HECTD3: variants seen among roughly 807,000 people sequenced by gnomAD.
HECTD3 encodes the protein E3 ubiquitin-protein ligase HECTD3.
In HECTD3, 72 loss-of-function variants were observed where a neutral mutation model predicts 109.3. That is an observed-to-expected ratio of 0.66 (90% CI 0.54 to 0.80). The LOEUF (loss-of-function observed/expected upper bound fraction) is 0.80, where lower values mean the gene tolerates loss of function less well. Ranked by LOEUF, HECTD3 falls within the 30% of genes least tolerant of loss-of-function variation. The pLI, the probability that HECTD3 is intolerant of heterozygous loss-of-function variation, is 0.00. For synonymous variants in HECTD3, 481 were observed against 471.8 expected, an observed-to-expected ratio of 1.02 and a Z score of -0.25; for missense variants, 1,041 against 1,165.2, an observed-to-expected ratio of 0.89 and a Z score of 1.55.
Position 45,010,270 on chromosome 1 carries a change from G to A in HECTD3, c.554C>T (p.Thr185Ile), listed in dbSNP as rs370316862. The change falls in exon 3 of 21, where the codon ACA becomes ATA. Residue 185 changes from threonine to isoleucine, a missense_variant. Physicochemically the swap from Thr to Ile is moderately conservative, Grantham distance 89. Coordinates refer to ENST00000372172, the MANE Select transcript of HECTD3 (RefSeq NM_024602.6). ...TCTCGATCCCAGGCGATGTGAGTAT[G>A]TCAGGTCCACCACCTGTTCCCACCT... ...VLRWEQVVDL[T>I]YSHRLGSRPQ... is the part of the protein sequence containing the mutation. 8 of 1,613,912 alleles carry A rather than the reference G, an allele frequency of 5.0e-6. No individual in the cohort carries two copies. In the African/African-American group the frequency reaches 9.3e-5, roughly 19 times the overall value.
chr1:45,005,785 C>T lies in HECTD3; in HGVS notation c.1935+9G>A. 1 of 1,576,900 alleles carries T rather than the reference C, an allele frequency of 6.3e-7. No individual in the cohort carries two copies. Among genetic ancestry groups the T allele is most frequent in the Non-Finnish European group, 8.6e-7 (1 of 1,163,720 alleles). ...GGCAGAGGAAACACTGGTTCCAGGT[C>T]CTACTCACCAGCACAGAGTCCACAG... On this transcript the variant is annotated intron_variant, in intron 15 of 20. Transcript: ENST00000372172.
In HECTD3 at chr1:45,007,586, G is replaced by T; in HGVS notation, c.1330C>A (p.Gln444Lys). 6.2e-7 allele frequency: 1 copy of T among 1,609,256 alleles called. No individual in the cohort carries two copies. ...CGCTGGCGGGACAGCAGTAGGAACT[G>T]CTTCACTTGCTAGTGAGGAGAGGTG... The part of the protein sequence containing the change: ...GTFSEIKQVK[Q>K]FLLLSRQRPG... Residue 444 changes from glutamine (Q) to lysine (K), a missense_variant, in exon 10 of 21, where the codon CAG (glutamine) becomes AAG (lysine). By Grantham distance (53) the Gln-to-Lys change is moderately conservative. Coordinates refer to ENST00000372172, the MANE Select transcript of HECTD3 (RefSeq NM_024602.6).
At position 45,010,872 on chromosome 1, in the gene HECTD3, G is replaced by C. The variant is rs554748346; in HGVS notation, c.369+17C>G. Reference sequence around the variant, plus strand: ...CCCAGGGGTCTTTTACCGGGTCCTGGGCAGGGAAGAGCGCACCTTTGTCAG... The same window carrying C: ...CCCAGGGGTCTTTTACCGGGTCCTGCGCAGGGAAGAGCGCACCTTTGTCAG... On this transcript the variant is annotated intron_variant, in intron 1 of 20. Transcript: ENST00000372172. 5 of 1,513,108 alleles carry C rather than the reference G, an allele frequency of 3.3e-6. No homozygotes were observed. The highest frequency in any genetic ancestry group is 3.5e-6 in the Non-Finnish European group (4 of 1,141,364). The allele number at this position is 1,513,108 out of a possible 1,614,324, so 93.7% of individuals were successfully genotyped here.
In HECTD3 at chr1:45,006,581, C is replaced by T. The variant is rs748008446; in HGVS notation, c.1725+111G>A. On this transcript the variant is annotated intron_variant, in intron 13 of 20. Coordinates refer to ENST00000372172, the MANE Select transcript of HECTD3 (RefSeq NM_024602.6). This position sits in a 1 kb window ranked among gnomAD's most constrained non-coding sequence, Gnocchi z 4.7. ...CTTCCCAAAGTGCTGGGATTACAGG[C>T]GTGAGCCACTGTGCCTGCCCCCTTT... 12 of 867,926 alleles carry T rather than the reference C, an allele frequency of 1.4e-5. No homozygotes were observed. Among genetic ancestry groups the T allele is most frequent in the East Asian group, 5.2e-5 (2 of 38,196 alleles). The allele number at this position is 867,926 out of a possible 1,614,324, so 53.8% of individuals were successfully genotyped here.
In HECTD3 at chr1:45,004,135, C is replaced by T. The variant is rs1417759835; in HGVS notation, c.2273-1G>A. 6.2e-7 allele frequency: 1 copy of T among 1,614,050 alleles called. No individual in the cohort carries two copies. The highest frequency in any genetic ancestry group is 8.5e-7 in the Non-Finnish European group (1 of 1,180,054). ...GATGGCTCGAAGTCCTCAAACCGGG[C>T]TGGTGGAGACAAGGCCAGCATTCAT... On this transcript the variant is annotated splice_acceptor_variant, in intron 17 of 20. Transcript: ENST00000372172. LOFTEE classifies it high-confidence loss of function.
Position 45,007,248 on chromosome 1 carries a change from A to G in HECTD3, c.1527T>C (p.Ser509=), listed in dbSNP as rs1644744390. 6.2e-7 allele frequency: 1 copy of G among 1,613,590 alleles called. No individual in the cohort carries two copies. Among genetic ancestry groups the G allele is most frequent in the Non-Finnish European group, 8.5e-7 (1 of 1,179,728 alleles). Residue 509 remains serine (S), a synonymous_variant, in exon 11 of 21, where the codon TCT becomes TCC. Transcript: ENST00000372172. ...FTQVYEGLKP[S]DKYEKPLDYR... ...AGTCCAGGGGCTTTTCATATTTGTC[A>G]GAGGGCTTGAGGCCTTCATATACCT...
Position 45,004,606 on chromosome 1 carries a change from C to T in HECTD3, c.2136G>A (p.Lys712=). 2 of 1,614,126 alleles carry T rather than the reference C, an allele frequency of 1.2e-6. No individual in the cohort carries two copies. The highest frequency in any genetic ancestry group is 1.7e-6 in the Non-Finnish European group (2 of 1,180,026). Residue 712 remains lysine, a synonymous_variant, in exon 16 of 21, where the codon AAG becomes AAA. Transcript: ENST00000372172. ...LVQKARLEES[K]EQVAAMQAGL... ...ACTAGCCTCTGGGTACTACCTGCTC[C>T]TTGCTCTCCTCTAGCCGTGCCTTCT...
Position 45,011,206 on chromosome 1 carries a change from C to T in HECTD3, c.52G>A (p.Gly18Ser), listed in dbSNP as rs770254053. The T allele has an allele frequency of 6.9e-7, 1 of 1,439,236 alleles. No individual in the cohort carries two copies. The highest frequency in any genetic ancestry group is 9.1e-7 in the Non-Finnish European group (1 of 1,104,476). 89.2% of individuals were successfully genotyped at this position (1,439,236 alleles called of 1,614,324 possible). A position where few individuals can be genotyped will look rare whatever the true frequency, so the allele number is the denominator to read the frequency against. ...AVLESPRQLL[G>S]RVRFLAEAAR... ...GCCTCTGCCAAGAAGCGCACGCGGCCCAGCAGCTGCCGGGGGGACTCCAGC... is the reference window on the plus strand; with the variant it reads ...GCCTCTGCCAAGAAGCGCACGCGGCTCAGCAGCTGCCGGGGGGACTCCAGC... Residue 18 changes from glycine to serine, a missense_variant, in exon 1 of 21, where the codon GGC (glycine) becomes AGC (serine). Gly to Ser is a moderately conservative substitution (Grantham distance 56, BLOSUM62 0). This residue lies in a region of HECTD3 where 472 missense variants were observed against 449.9 expected (regional missense o/e 1.05). Coordinates refer to ENST00000372172, the MANE Select transcript of HECTD3 (RefSeq NM_024602.6).
chr1:45,003,361 C>A lies in HECTD3; in HGVS notation c.*131G>T. ...ATGCCAGCTGCCCCTACCCCAACTG[C>A]ACACAGGAGCAGGGCACATGGGGTT... On this transcript the variant is annotated 3_prime_UTR_variant, in exon 21 of 21. Coordinates refer to ENST00000372172, the MANE Select transcript of HECTD3 (RefSeq NM_024602.6). This position sits in a 1 kb window ranked among gnomAD's most constrained non-coding sequence, Gnocchi z 4.7. 1 of 762,106 alleles carries A rather than the reference C, an allele frequency of 1.3e-6. No homozygotes were observed. Among genetic ancestry groups the A allele is most frequent in the Non-Finnish European group, 2.2e-6 (1 of 451,824 alleles). 47.2% of individuals were successfully genotyped at this position (762,106 alleles called of 1,614,324 possible).
chr1:45,009,308 C>A, intron 6 of HECTD3, 61 bp downstream of exon 6: 1 of 1,556,462 alleles, frequency 6.4e-7, no homozygotes, highest in Non-Finnish European at 8.9e-7. Flanking sequence ...CAAACTTAGG[C>A]TTTCAAGCTG....
chr1:45,004,858 C>A, intron 15 of HECTD3, 52 bp from the exon 16 acceptor site: 1 of 1,507,560 alleles, frequency 6.6e-7, no homozygotes, highest in Non-Finnish European at 9.2e-7. Context: ...GGAGATAGTC[C>A]CTGTCTTTCC....
intron 5 of HECTD3, 41 bp downstream of exon 5, chr1:45,009,527 G>A (rs1313823025): frequency 6.9e-6 from 11 of 1,605,832 alleles, no homozygotes; most frequent in Non-Finnish European, 9.4e-6. Context: ...AACCCACAGG[G>A]ACATAGCCCA....
chr1:45,005,325 T>G (rs1644725999), intron 15 of HECTD3: 3 of 205,664 alleles, frequency 1.5e-5, no homozygotes, highest in Non-Finnish European at 2.0e-5. Context: ...AGTGATTAGC[T>G]AAGGAGGAAA....
chr1:45,005,838 C>T lies in HECTD3; in HGVS notation c.1891G>A (p.Glu631Lys), dbSNP rs757806432. The T allele has an allele frequency of 2.5e-6, 4 of 1,609,114 alleles. No individual in the cohort carries two copies. Among genetic ancestry groups the T allele is most frequent in the South Asian group, 1.1e-5 (1 of 90,190 alleles). The change falls in exon 15 of 21, where the codon GAG becomes AAG. Residue 631 changes from glutamate (E) to lysine (K), a missense_variant. By Grantham distance (56) the Glu-to-Lys change is moderately conservative (BLOSUM62 1). This residue lies in a region of HECTD3 where 569 missense variants were observed against 715.3 expected (regional missense o/e 0.80). Transcript: ENST00000372172. ...GFVWKQLSGE[E>K]VSWSKDFPAV... ...GGGAAGTCCTTGCTCCAGCTCACCT[C>T]CTCACCAGAAAGCTGCTTCCACACA...
At position 45,003,696 on chromosome 1, in the gene HECTD3, C is replaced by G; in HGVS notation, c.2474G>C (p.Ser825Thr). The change falls in exon 20 of 21, where the codon AGC (serine) becomes ACC (threonine). Residue 825 changes from serine to threonine, a missense_variant. Ser to Thr is a moderately conservative substitution (Grantham distance 58). Transcript: ENST00000372172. This position sits in a 1 kb window ranked among gnomAD's most constrained non-coding sequence, Gnocchi z 4.7. Reference protein sequence around the residue: ...DALPESSTCSSTLFLPHYASA... With the variant: ...DALPESSTCSTTLFLPHYASA... ...GGCATAGTGTGGCAGGAAGAGGGTG[C>G]TGGAGCAAGTGGAAGACTCGGGCAG... 6.2e-7 allele frequency: 1 copy of G among 1,614,064 alleles called. No individual in the cohort carries two copies. Among genetic ancestry groups the G allele is most frequent in the South Asian group, 1.1e-5 (1 of 91,084 alleles).
chr1:45,003,268 G>A lies in HECTD3; in HGVS notation c.*224C>T, dbSNP rs575244469. On this transcript the variant is annotated 3_prime_UTR_variant, in exon 21 of 21. Coordinates refer to ENST00000372172, the MANE Select transcript of HECTD3 (RefSeq NM_024602.6). The surrounding 1 kb of genome is among the most constrained non-coding windows in gnomAD (Gnocchi z 4.7). ...TCCCTCTTAAGAGGTGAAATACCTC[G>A]GGAAGCAAGCCCCAGCACGGGTAGG... 8.9e-5 allele frequency: 50 copies of A among 563,030 alleles called. No homozygotes were observed. In the South Asian group the frequency reaches 9.3e-4, roughly 10 times the overall value. 34.9% of individuals were successfully genotyped at this position (563,030 alleles called of 1,614,324 possible).
chr1:45,007,754 G>A (rs1348190772), intron 9 of HECTD3, among the ~76,000 whole-genome samples, 159 bp from the exon 10 acceptor site: 1 of 152,166 alleles, frequency 6.6e-6, no homozygotes, highest in Non-Finnish European at 1.5e-5. Context: ...TCAGCCACCA[G>A]GGAGAGCTTT....
Position 45,003,229 on chromosome 1 carries a change from G to A in HECTD3, c.*263C>T. 2.0e-6 allele frequency: 1 copy of A among 502,118 alleles called. No individual in the cohort carries two copies. Among genetic ancestry groups the A allele is most frequent in the Non-Finnish European group, 3.6e-6 (1 of 275,564 alleles). The allele number at this position is 502,118 out of a possible 1,614,324, so 31.1% of individuals were successfully genotyped here. A position where few individuals can be genotyped will look rare whatever the true frequency, so the allele number is the denominator to read the frequency against. ...AGCTCAGGCCTGGCAGCTTGTGCTG[G>A]GCTTGTGGAAGATTCCCTCTTAAGA... On this transcript the variant is annotated 3_prime_UTR_variant, in exon 21 of 21. Coordinates refer to ENST00000372172, the MANE Select transcript of HECTD3 (RefSeq NM_024602.6). The surrounding 1 kb of genome is among the most constrained non-coding windows in gnomAD (Gnocchi z 4.7).
Position 45,011,104 on chromosome 1 carries a change from A to G in HECTD3, c.154T>C (p.Tyr52His). 2 of 1,508,836 alleles carry G rather than the reference A, an allele frequency of 1.3e-6. No homozygotes were observed. Among genetic ancestry groups the G allele is most frequent in the South Asian group, 1.2e-5 (1 of 80,682 alleles). The allele number at this position is 1,508,836 out of a possible 1,614,324, so 93.5% of individuals were successfully genotyped here. ...CGCGACGGTCCCGCTGGGTCCTTGT[A>G]AAGCTTGTAGAGCACCTCTCGCGGC... Reference protein sequence around the residue: ...FVPREVLYKLYKDPAGPSRVL... With the variant: ...FVPREVLYKLHKDPAGPSRVL... The change falls in exon 1 of 21, where the codon TAC becomes CAC. Residue 52 changes from tyrosine (Y) to histidine (H), a missense_variant. Around this residue, in one of 2 missense-constraint regions of HECTD3, gnomAD observed 472 missense variants for 449.9 expected, o/e 1.05. Transcript: ENST00000372172.
Sources: gnomAD v4.1 joint callset for allele counts (sites outside exome capture counted in the v4.1 genomes callset) on GRCh38, gnomAD v4.1.1 for gene constraint, gnomAD v4.1.1 regional missense constraint, Gnocchi (gnomAD v3.1) non-coding constraint, MANE v1.5 for transcripts, NCBI Gene and HGNC (gene_info 2026-07-23, HGNC 2026-07-21) for gene names.